Variants in FBXL13 observed in about 807,000 individuals in gnomAD.
The protein encoded by FBXL13 is F-box and leucine rich repeat protein 13.
FBXL13 carries 67 observed loss-of-function variants against 83.6 expected under a neutral mutation model. The observed-to-expected ratio is 0.80, with a 90% CI of 0.66 to 0.98. FBXL13 has a LOEUF of 0.98. Among genes scored for constraint, FBXL13 ranks in the 50% least tolerant of loss-of-function variants. The pLI, the probability that FBXL13 is intolerant of heterozygous loss-of-function variation, is 0.00. For synonymous variants in FBXL13, 272 were observed against 299.5 expected, an observed-to-expected ratio of 0.91 and a Z score of 0.95; for missense variants, 822 against 866.5, an observed-to-expected ratio of 0.95 and a Z score of 0.64.
At chr7:103,001,113 T>C (rs1211712141) in intron 6 of FBXL13, among the ~76,000 whole-genome samples, 1 of 150,958 alleles carries the variant, frequency 6.6e-6, no homozygotes, top group African/African-American at 2.5e-5. Flanking sequence ...CCCAGTTCTA[T>C]ATATATATTT....
At chr7:102,895,630 G>A (rs1266531958) in intron 11 of FBXL13, among the ~76,000 whole-genome samples, 1 of 152,158 alleles carries the variant, frequency 6.6e-6, no homozygotes, top group African/African-American at 2.4e-5. Flanking sequence ...GTTGCACACA[G>A]TTGAAGATAC....
chr7:102,905,858 CA>C (rs1813665673), intron 11 of FBXL13, among the ~76,000 whole-genome samples: 1 of 152,074 alleles, frequency 6.6e-6, no homozygotes, highest in African/African-American at 2.4e-5. Flanking sequence ...AACCTGATAA[CA>C]ACACTGTTTG....
rs368046311 is a variant in FBXL13, at chr7:102,839,416, A to G, written c.1720-6442T>C. Among the ~76,000 whole-genome samples, 696 of 152,236 alleles carry G rather than the reference A, an allele frequency of 4.6e-3. 7 individuals carry two copies. Among genetic ancestry groups the G allele is most frequent in the African/African-American group, 0.016 (666 of 41,538 alleles). ...CCCCTGGGCCCACTGTTCTTTCTCT[A>G]TACTTTGTCTCTGTGTCTTATTTCT... On this transcript the variant is annotated intron_variant, in intron 17 of 19. Transcript: ENST00000313221.
chr7:103,011,334 C>A (rs1791591697), intron 6 of FBXL13, among the ~76,000 whole-genome samples: 1 of 152,024 alleles, frequency 6.6e-6, no homozygotes, highest in Non-Finnish European at 1.5e-5. Flanking sequence ...GACCAAATGG[C>A]CATTATAAGA....
chr7:103,039,076 A>G (rs1378871913), intron 2 of FBXL13, among the ~76,000 whole-genome samples: 1 of 152,216 alleles, frequency 6.6e-6, no homozygotes, highest in Non-Finnish European at 1.5e-5. Context: ...AATCTTGAAA[A>G]AAGATTAGAT....
In FBXL13 at chr7:102,905,606, C is replaced by T. The variant is rs1376750730; in HGVS notation, c.1008+7480G>A. Among the ~76,000 whole-genome samples the T allele has an allele frequency of 2.0e-5, 3 of 152,264 alleles. No individual in the cohort carries two copies. The East Asian group carries it at 5.8e-4, about 29-fold the overall frequency. ...TTCATTGGAGAGTTTAGTCCATTTACATTCAATATTATTATTGATAAGTAA... is the reference window on the plus strand; with the variant it reads ...TTCATTGGAGAGTTTAGTCCATTTATATTCAATATTATTATTGATAAGTAA... On this transcript the variant is annotated intron_variant, in intron 11 of 19. Transcript: ENST00000313221.
At chr7:102,910,396 T>C (rs1452451230) in intron 11 of FBXL13, among the ~76,000 whole-genome samples, 2 of 152,012 alleles carry the variant, frequency 1.3e-5, no homozygotes, top group African/African-American at 2.4e-5. Flanking sequence ...CTTTTTTTTT[T>C]CTTTGTGTGT....
rs1191431378 is a variant in FBXL13 at position 103,027,445 on chromosome 7, A to G, written c.327+4T>C. 15 of 1,597,842 alleles carry G rather than the reference A, an allele frequency of 9.4e-6. No individual in the cohort carries two copies. Among genetic ancestry groups the G allele is most frequent in the Non-Finnish European group, 1.3e-5 (15 of 1,167,582 alleles). ...TCTTAAAAAATTGTTTCAATATACA[A>G]TACCAGCTCATCTTCTTTCTTTTTA... On this transcript the variant is annotated splice_donor_region_variant and intron_variant, in intron 5 of 19. Transcript: ENST00000313221.
intron 11 of FBXL13, among the ~76,000 whole-genome samples, chr7:102,907,948 A>G (rs1160178371): frequency 2.6e-5 from 4 of 152,166 alleles, no homozygotes; most frequent in Non-Finnish European, 5.9e-5. Flanking sequence ...GAATAGGAAC[A>G]CTTTTACATT....
intron 14 of FBXL13, among the ~76,000 whole-genome samples, chr7:102,880,333 C>A (rs1481704894): frequency 6.6e-6 from 1 of 152,080 alleles, no homozygotes; most frequent in East Asian, 1.9e-4. Flanking sequence ...AATCTTTTTA[C>A]CCTATATGTT....
chr7:102,822,003 G>T, intron 19 of FBXL13, 37 bp downstream of exon 20: 1 of 1,603,170 alleles, frequency 6.2e-7, no homozygotes. Flanking sequence ...TCAGAAAGTA[G>T]TTCTCAAAAG....
chr7:102,981,869 C>T (rs1331518883), intron 6 of FBXL13, among the ~76,000 whole-genome samples: 1 of 152,170 alleles, frequency 6.6e-6, no homozygotes. Flanking sequence ...CATAAACATT[C>T]AGTCTATAGC....
At chr7:102,944,882 C>A in intron 8 of FBXL13, 1 of 319,796 alleles carries the variant, frequency 3.1e-6, no homozygotes, top group Non-Finnish European at 5.6e-6. Context: ...ATTAGACTTT[C>A]ATAATGTCCT....
chr7:102,869,832 C>T (rs1808293347), intron 16 of FBXL13, among the ~76,000 whole-genome samples: 1 of 152,116 alleles, frequency 6.6e-6, no homozygotes, highest in Non-Finnish European at 1.5e-5. Flanking sequence ...TTCCACTGGT[C>T]TGTGTGTCTG....
At chr7:102,978,272 T>C (rs1176504068) in intron 6 of FBXL13, 1 of 152,196 alleles carries the variant, frequency 6.6e-6, no homozygotes, top group Admixed American at 6.5e-5. Flanking sequence ...AAAGTAGTTA[T>C]TGAGAAAGTC....
chr7:103,019,641 T>C (rs1342570464), intron 6 of FBXL13, among the ~76,000 whole-genome samples: 4 of 152,160 alleles, frequency 2.6e-5, no homozygotes, highest in African/African-American at 9.7e-5. Context: ...ATAAAAGGGT[T>C]ATCACCACTG....
intron 17 of FBXL13, among the ~76,000 whole-genome samples, chr7:102,846,544 G>A (rs896803179): frequency 2.5e-4 from 38 of 150,686 alleles, no homozygotes; most frequent in Admixed American, 5.3e-4. Context: ...GTCTGAGCCC[G>A]GAAGGAGGTT....
At chr7:102,833,427 G>T (rs1215187953) in intron 17 of FBXL13, among the ~76,000 whole-genome samples, 1 of 149,420 alleles carries the variant, frequency 6.7e-6, no homozygotes, top group Non-Finnish European at 1.5e-5. Flanking sequence ...ATCTTTCTGA[G>T]CCTGTTTCCT....
At chr7:102,942,731 A>AT (rs1050566659) in intron 8 of FBXL13, among the ~76,000 whole-genome samples, 1 of 152,086 alleles carries the variant, frequency 6.6e-6, no homozygotes, top group Non-Finnish European at 1.5e-5. Context: ...ATAGAAAGTT[A>AT]TTTTTTTAAG....
Sources: gnomAD v4.1 joint callset for allele counts (sites outside exome capture counted in the v4.1 genomes callset) on GRCh38, gnomAD v4.1.1 for gene constraint, MANE v1.5 for transcripts, NCBI Gene and HGNC (gene_info 2026-07-23, HGNC 2026-07-21) for gene names.